Variants in OLA1 observed in about 807,000 individuals in gnomAD.
The protein encoded by OLA1 is obg-like ATPase 1.
In OLA1, 14 loss-of-function variants were observed where a neutral mutation model predicts 48.4. That is an observed-to-expected ratio of 0.29 (90% CI 0.19 to 0.45). OLA1 has a LOEUF of 0.45. Ranked by LOEUF, OLA1 falls within the 20% of genes least tolerant of loss-of-function variation. The probability of loss-of-function intolerance (pLI) is 1.00; values close to 1 mark genes in which losing one functional copy is unlikely to be tolerated. For missense variants in OLA1, 325 were observed against 467.1 expected (o/e 0.70, Z 2.80); for synonymous variants, 127 against 150.4 (o/e 0.84, Z 1.14).
chr2:174,084,777 CTA>C (rs1305616546), intron 7 of OLA1, among the ~76,000 whole-genome samples: 1 of 152,188 alleles, frequency 6.6e-6, no homozygotes, highest in Non-Finnish European at 1.5e-5. Flanking sequence ...CTCAGTACCA[CTA>C]CTAGAAAAAC....
At chr2:174,100,329 CA>C (rs1685361983) in intron 7 of OLA1, among the ~76,000 whole-genome samples, 2 of 152,068 alleles carry the variant, frequency 1.3e-5, no homozygotes, top group African/African-American at 4.8e-5. Context: ...CAGAGATGAC[CA>C]AGTCTGCTGT....
At chr2:174,138,351 G>A (rs1221423267) in intron 5 of OLA1, among the ~76,000 whole-genome samples, 2 of 152,198 alleles carry the variant, frequency 1.3e-5, no homozygotes, top group Non-Finnish European at 1.5e-5. Flanking sequence ...AGAAAGATGG[G>A]AAATGGCCAG....
intron 4 of OLA1, among the ~76,000 whole-genome samples, chr2:174,174,595 G>C (rs1687381636): frequency 6.6e-6 from 1 of 151,616 alleles, no homozygotes. Context: ...AAACACCTAG[G>C]GATAAAATTA....
At chr2:174,086,756 T>C (rs1253570779) in intron 7 of OLA1, among the ~76,000 whole-genome samples, 1 of 152,164 alleles carries the variant, frequency 6.6e-6, no homozygotes, top group Non-Finnish European at 1.5e-5. Flanking sequence ...TGGTTCAGGA[T>C]TTCATCAAAC....
In OLA1 at chr2:174,098,947, AG is replaced by A. The variant is rs1230508860; in HGVS notation, c.729-16884del. On this transcript the variant is annotated intron_variant, in intron 7 of 10. Transcript: ENST00000284719. ...CAGGTCTAAGCACTAATCACTTCAA[AG>A]GCATTTTTTTTTCTTTTCCTCCTTA... is the stretch of plus-strand genomic sequence containing the variant. Among the ~76,000 whole-genome samples the A allele has an allele frequency of 3.3e-5, 5 of 152,284 alleles. No homozygotes were observed. The East Asian group carries it at 9.6e-4, about 29-fold the overall frequency.
At chr2:174,080,811 A>AAAGC (rs1429745507) in intron 9 of OLA1, 8 of 190,906 alleles carry the variant, frequency 4.2e-5, no homozygotes, top group Non-Finnish European at 7.5e-5. Flanking sequence ...TACAAAATGA[A>AAAGC]AAGCAACATC....
At chr2:174,241,197 C>A (rs1467390317) in intron 2 of OLA1, among the ~76,000 whole-genome samples, 1 of 152,150 alleles carries the variant, frequency 6.6e-6, no homozygotes, top group Non-Finnish European at 1.5e-5. Context: ...TTAAAATGGC[C>A]ATCTTGGATC....
intron 4 of OLA1, among the ~76,000 whole-genome samples, chr2:174,219,278 T>TAA (rs751305223): frequency 2.2e-5 from 3 of 135,536 alleles, no homozygotes; most frequent in African/African-American, 5.4e-5. Flanking sequence ...CCTGACTCTT[T>TAA]AAAAAAAAAA....
chr2:174,157,257 G>A (rs759409643), intron 4 of OLA1, among the ~76,000 whole-genome samples: 10 of 152,070 alleles, frequency 6.6e-5, no homozygotes, highest in Non-Finnish European at 1.5e-4. Context: ...AAGAAAAAGC[G>A]GAACACAACT....
intron 4 of OLA1, among the ~76,000 whole-genome samples, chr2:174,150,617 T>C (rs775643267): frequency 6.6e-6 from 1 of 152,230 alleles, no homozygotes; most frequent in Non-Finnish European, 1.5e-5. Flanking sequence ...CCTTGGTATA[T>C]AAACCAATGC....
At chr2:174,147,969 GCGTGC>G (rs1355324760) in intron 4 of OLA1, among the ~76,000 whole-genome samples, 1 of 152,186 alleles carries the variant, frequency 6.6e-6, no homozygotes, top group Non-Finnish European at 1.5e-5. Flanking sequence ...GATTTCAGGT[GCGTGC>G]CACCATGTGT....
intron 4 of OLA1, among the ~76,000 whole-genome samples, chr2:174,158,547 G>A (rs1686940040): frequency 6.6e-6 from 1 of 152,076 alleles, no homozygotes; most frequent in African/African-American, 2.4e-5. Flanking sequence ...TAAGAATGCA[G>A]TGTACAAAAA....
chr2:174,241,978 A>G (rs1323894943), intron 2 of OLA1, among the ~76,000 whole-genome samples: 1 of 152,262 alleles, frequency 6.6e-6, no homozygotes, highest in African/African-American at 2.4e-5. Context: ...CTGTCAAAAT[A>G]AAGACTACAT....
chr2:174,131,789 C>G (rs1487179207), intron 5 of OLA1, among the ~76,000 whole-genome samples: 1 of 151,934 alleles, frequency 6.6e-6, no homozygotes, highest in Non-Finnish European at 1.5e-5. Context: ...TGTAGGAATT[C>G]TTTGTTAGAT....
intron 4 of OLA1, among the ~76,000 whole-genome samples, chr2:174,166,727 G>A (rs190676902): frequency 3.9e-5 from 6 of 152,208 alleles, no homozygotes; most frequent in Admixed American, 2.0e-4. Flanking sequence ...TTATCTAAGT[G>A]AAAATCATAA....
intron 3 of OLA1, among the ~76,000 whole-genome samples, chr2:174,227,570 C>T (rs1335002867): frequency 6.6e-6 from 1 of 152,082 alleles, no homozygotes; most frequent in Non-Finnish European, 1.5e-5. Context: ...TGTACTTTTG[C>T]AGCTTTTATA....
chr2:174,233,844 C>A (rs1205539817), intron 2 of OLA1, among the ~76,000 whole-genome samples: 1 of 152,114 alleles, frequency 6.6e-6, no homozygotes, highest in African/African-American at 2.4e-5. Flanking sequence ...GACATGAAGA[C>A]TAAAACACAA....
intron 4 of OLA1, among the ~76,000 whole-genome samples, chr2:174,160,620 C>G (rs1247174213): frequency 6.6e-6 from 1 of 152,092 alleles, no homozygotes; most frequent in African/African-American, 2.4e-5. Context: ...AGTAATAAAT[C>G]AAATGCCATG....
chr2:174,229,035 C>T (rs1005724774), intron 3 of OLA1, among the ~76,000 whole-genome samples: 4 of 152,140 alleles, frequency 2.6e-5, no homozygotes, highest in African/African-American at 9.7e-5. Context: ...TGCCACCACA[C>T]CCAGCTAAAT....
Sources: allele counts gnomAD v4.1 joint callset (sites outside exome capture counted in the v4.1 genomes callset), GRCh38; gene constraint gnomAD v4.1.1; transcripts MANE v1.5; gene names NCBI Gene and HGNC (gene_info 2026-07-23, HGNC 2026-07-21).